The following SPIRE1 variants were observed in gnomAD, a reference collection of about 807,000 sequenced individuals.
The protein encoded by SPIRE1 is spire type actin nucleation factor 1, also known as protein spire homolog 1.
A neutral mutation model predicts 94.1 loss-of-function variants in SPIRE1; 40 were observed. The ratio of observed to expected loss-of-function variants is 0.43; its 90% CI spans 0.33 to 0.55. The LOEUF (loss-of-function observed/expected upper bound fraction) is 0.55, where lower values mean the gene tolerates loss of function less well. SPIRE1 is among the 20% of genes least tolerant of loss of function. The pLI is 0.06. For synonymous variants in SPIRE1, 376 were observed against 371.7 expected (o/e 1.01, Z -0.13); for missense variants, 838 against 975.2 (o/e 0.86, Z 1.87).
chr18:12,570,323 CA>C (rs1169916884), intron 2 of SPIRE1, among the ~76,000 whole-genome samples: 1 of 152,170 alleles, frequency 6.6e-6, no homozygotes, highest in Non-Finnish European at 1.5e-5. Context: ...TCTTAAATGT[CA>C]AATCTGCTGA....
intron 2 of SPIRE1, among the ~76,000 whole-genome samples, chr18:12,626,886 A>ATATATATATATATATTTTTTT: frequency 8.9e-6 from 1 of 111,896 alleles, no homozygotes; most frequent in African/African-American, 3.0e-5. Context: ...ATATATATAT[A>ATATATATATATATATTTTTTT]TTTTTTTTTT....
intron 12 of SPIRE1, among the ~76,000 whole-genome samples, chr18:12,457,866 A>C (rs2031594472): frequency 7.6e-6 from 1 of 131,430 alleles, no homozygotes. Context: ...TTTTTTTGAG[A>C]TGGAGTCTCG....
chr18:12,629,922 T>C lies in SPIRE1; in HGVS notation c.372+5140A>G, dbSNP rs191313885. ...TATAATCAAGTATATTAAAACATTT[T>C]CCAAACAGTAAGAAATAAGGTAAAA... On this transcript the variant is annotated intron_variant, in intron 2 of 16. Transcript: ENST00000409402. Among the ~76,000 whole-genome samples the C allele has an allele frequency of 2.4e-3, 370 of 152,256 alleles. 3 individuals carry two copies. The highest frequency in any genetic ancestry group is 0.014 in the South Asian group (69 of 4,826).
intron 2 of SPIRE1, among the ~76,000 whole-genome samples, chr18:12,629,654 G>A (rs1233450725): frequency 1.3e-5 from 2 of 152,112 alleles, no homozygotes; most frequent in Non-Finnish European, 2.9e-5. Context: ...AGTGGCATGG[G>A]GGACGTTAAA....
chr18:12,642,746 A>G (rs1033843374), intron 1 of SPIRE1, among the ~76,000 whole-genome samples: 3 of 152,114 alleles, frequency 2.0e-5, no homozygotes, highest in African/African-American at 4.8e-5. Context: ...GGGAAACAAC[A>G]CACACCAGGG....
At chr18:12,505,697 AT>A (rs1464421643) in intron 6 of SPIRE1, among the ~76,000 whole-genome samples, 6 of 152,238 alleles carry the variant, frequency 3.9e-5, no homozygotes, top group Non-Finnish European at 7.3e-5. Context: ...CATGGTGGAC[AT>A]TTAAAAAGAT....
chr18:12,602,865 A>T (rs1215020641), intron 2 of SPIRE1, among the ~76,000 whole-genome samples: 2 of 152,218 alleles, frequency 1.3e-5, no homozygotes, highest in Non-Finnish European at 2.9e-5. Context: ...CAATCCACCC[A>T]TAAGAATGGT....
intron 9 of SPIRE1, among the ~76,000 whole-genome samples, chr18:12,480,079 C>A (rs1387537368): frequency 6.6e-6 from 1 of 152,146 alleles, no homozygotes; most frequent in Admixed American, 6.5e-5. Context: ...CATATTCATA[C>A]TTGTAGATTA....
At chr18:12,456,285 G>C (rs868283301) in intron 12 of SPIRE1, among the ~76,000 whole-genome samples, 48 of 152,208 alleles carry the variant, frequency 3.2e-4, no homozygotes, top group African/African-American at 1.1e-3. Context: ...CTCAGAAAAA[G>C]AGTAGTGTTA....
chr18:12,590,961 C>T (rs2036518598), intron 2 of SPIRE1, among the ~76,000 whole-genome samples: 1 of 152,058 alleles, frequency 6.6e-6, no homozygotes, highest in African/African-American at 2.4e-5. Context: ...TCATTTTATC[C>T]TCACTATTTT....
chr18:12,550,386 A>G (rs2035314486), intron 2 of SPIRE1, among the ~76,000 whole-genome samples: 1 of 152,112 alleles, frequency 6.6e-6, no homozygotes, highest in South Asian at 2.1e-4. Flanking sequence ...TTTTCTCAAG[A>G]GTTGTTATTT....
At chr18:12,477,232 A>T (rs2032640063) in intron 10 of SPIRE1, among the ~76,000 whole-genome samples, 1 of 152,174 alleles carries the variant, frequency 6.6e-6, no homozygotes, top group African/African-American at 2.4e-5. Context: ...GCAGGAAGGT[A>T]GTTCCTGGCA....
At chr18:12,569,120 T>C (rs750232004) in intron 2 of SPIRE1, among the ~76,000 whole-genome samples, 6 of 152,064 alleles carry the variant, frequency 3.9e-5, no homozygotes, top group East Asian at 3.9e-4. Context: ...GTGGGTGGAT[T>C]ACAAAGTCAG....
intron 2 of SPIRE1, among the ~76,000 whole-genome samples, chr18:12,632,891 A>G (rs1360205182): frequency 1.3e-5 from 2 of 152,230 alleles, no homozygotes; most frequent in Non-Finnish European, 2.9e-5. Context: ...CGATAATTAG[A>G]TAACTGTGCC....
chr18:12,464,793 G>A, intron 11 of SPIRE1, 75 bp downstream of exon 11: 1 of 1,236,160 alleles, frequency 8.1e-7, no homozygotes, highest in Non-Finnish European at 1.2e-6. Flanking sequence ...AGGGCGCTCT[G>A]GGATCTCTGC....
At chr18:12,619,851 A>T (rs1221875993) in intron 2 of SPIRE1, among the ~76,000 whole-genome samples, 2 of 151,290 alleles carry the variant, frequency 1.3e-5, no homozygotes, top group East Asian at 3.9e-4. Context: ...GCCTCAGGAA[A>T]AAAAAAAAAA....
chr18:12,537,725 T>C lies in SPIRE1; in HGVS notation c.604-2124A>G, dbSNP rs184062857. On this transcript the variant is annotated intron_variant, in intron 3 of 16. Transcript: ENST00000409402. ...ATTTCTACACATGGCCAGAGAACAATTGGATAATGAGGTCAAGAAAATCAC... is the reference window on the plus strand; with the variant it reads ...ATTTCTACACATGGCCAGAGAACAACTGGATAATGAGGTCAAGAAAATCAC... Among the ~76,000 whole-genome samples, 19 of 152,178 alleles carry C rather than the reference T, an allele frequency of 1.2e-4. No homozygotes were observed. In the Middle Eastern group the frequency reaches 0.01, roughly 82 times the overall value.
At chr18:12,604,458 T>G (rs546710333) in intron 2 of SPIRE1, among the ~76,000 whole-genome samples, 1 of 152,220 alleles carries the variant, frequency 6.6e-6, no homozygotes, top group East Asian at 1.9e-4. Context: ...ATAAAAACTG[T>G]TTTTTTCCAG....
chr18:12,498,726 A>G (rs763132027), intron 6 of SPIRE1, among the ~76,000 whole-genome samples: 1 of 152,164 alleles, frequency 6.6e-6, no homozygotes, highest in African/African-American at 2.4e-5. Context: ...TCCCAGGCTC[A>G]AGCGATCCCT....
Sources: allele counts gnomAD v4.1 joint callset (sites outside exome capture counted in the v4.1 genomes callset), GRCh38; gene constraint gnomAD v4.1.1; transcripts MANE v1.5; gene names NCBI Gene and HGNC (gene_info 2026-07-23, HGNC 2026-07-21).